Variants in LPP observed in about 807,000 individuals in gnomAD.
LPP encodes the protein LIM domain containing preferred translocation partner in lipoma.
In LPP, 38 loss-of-function variants were observed where a neutral mutation model predicts 60.4. The ratio of observed to expected loss-of-function variants is 0.63; its 90% CI spans 0.49 to 0.83. The LOEUF (loss-of-function observed/expected upper bound fraction) is 0.83. Ranked by LOEUF, LPP falls within the 40% of genes least tolerant of loss-of-function variation. The pLI is 0.00. For missense variants in LPP, 902 were observed against 783.6 expected, an observed-to-expected ratio of 1.15 and a Z score of -1.80; for synonymous variants, 328 against 290.8, an observed-to-expected ratio of 1.13 and a Z score of -1.30.
intron 2 of LPP, among the ~76,000 whole-genome samples, chr3:188,319,973 G>A (rs910105255): frequency 2.6e-5 from 4 of 152,032 alleles, no homozygotes; most frequent in Non-Finnish European, 4.4e-5. Flanking sequence ...TTAGTGTAAC[G>A]GTCAGGTATT....
intron 8 of LPP, among the ~76,000 whole-genome samples, chr3:188,723,893 G>A (rs1370191163): frequency 6.6e-6 from 1 of 151,908 alleles, no homozygotes; most frequent in African/African-American, 2.4e-5. Flanking sequence ...TTACTAAGAT[G>A]GGAGAGCACA....
Position 188,635,881 on chromosome 3 carries a change from A to T in LPP, c.1113+26037A>T, listed in dbSNP as rs966081016. On this transcript the variant is annotated intron_variant, in intron 7 of 11. Transcript: ENST00000617246. ...CCGGGCTGATAAAAAGTGGTGTCAG[A>T]TTACTGGAAAAAGGACTATGTGGAG... 3.9e-5 allele frequency among the ~76,000 whole-genome samples: 6 copies of T among 152,212 alleles called. No individual in the cohort carries two copies. The East Asian group carries it at 1.2e-3, about 29-fold the overall frequency.
chr3:188,859,303 GT>G (rs1001933750), intron 9 of LPP, among the ~76,000 whole-genome samples: 5 of 151,870 alleles, frequency 3.3e-5, no homozygotes, highest in Admixed American at 6.6e-5. Context: ...GTTAAAATAA[GT>G]TTTTTTTCAA....
At chr3:188,431,344 C>T (rs1198716531) in intron 4 of LPP, among the ~76,000 whole-genome samples, 2 of 151,994 alleles carry the variant, frequency 1.3e-5, no homozygotes, top group Non-Finnish European at 2.9e-5. Context: ...GGATGAAAGA[C>T]GTGTAGTTGA....
chr3:188,337,490 CCT>C (rs1761979191), intron 2 of LPP, among the ~76,000 whole-genome samples: 1 of 152,160 alleles, frequency 6.6e-6, no homozygotes, highest in African/African-American at 2.4e-5. Context: ...GAAGTTCCTC[CCT>C]GTTTCCAGCA....
At chr3:188,477,847 G>A (rs1298944747) in intron 4 of LPP, among the ~76,000 whole-genome samples, 1 of 152,064 alleles carries the variant, frequency 6.6e-6, no homozygotes, top group Admixed American at 6.6e-5. Context: ...ACATATATGT[G>A]TATACATTAT....
chr3:188,809,402 T>G (rs1267921347), intron 9 of LPP, among the ~76,000 whole-genome samples: 1 of 152,172 alleles, frequency 6.6e-6, no homozygotes, highest in Non-Finnish European at 1.5e-5. Flanking sequence ...GGCATCTCAT[T>G]GTGATTTTGA....
At chr3:188,378,463 C>T (rs976096419) in intron 3 of LPP, among the ~76,000 whole-genome samples, 14 of 152,174 alleles carry the variant, frequency 9.2e-5, no homozygotes, top group South Asian at 2.1e-4. Flanking sequence ...GATCTCGGAC[C>T]GCTGTGCTAG....
intron 8 of LPP, among the ~76,000 whole-genome samples, chr3:188,751,987 C>G (rs2150330157): frequency 6.6e-6 from 1 of 152,242 alleles, no homozygotes; most frequent in South Asian, 2.1e-4. Context: ...CCTCTATTTT[C>G]CACTCATTGA....
At chr3:188,370,767 T>A (rs1329301889) in intron 3 of LPP, among the ~76,000 whole-genome samples, 1 of 152,122 alleles carries the variant, frequency 6.6e-6, no homozygotes, top group Non-Finnish European at 1.5e-5. Flanking sequence ...GTGGCATGAA[T>A]CTGGACAAGT....
chr3:188,418,199 T>C (rs894010208), intron 4 of LPP, among the ~76,000 whole-genome samples: 4 of 152,164 alleles, frequency 2.6e-5, no homozygotes, highest in Non-Finnish European at 5.9e-5. Flanking sequence ...GGCTAATAAA[T>C]GTAGAAGTCA....
At chr3:188,765,162 A>G (rs1445721040) in intron 9 of LPP, among the ~76,000 whole-genome samples, 1 of 152,196 alleles carries the variant, frequency 6.6e-6, no homozygotes, top group Non-Finnish European at 1.5e-5. Flanking sequence ...GGATGTTGGA[A>G]AAGGAAGCAA....
chr3:188,461,140 G>T (rs942608110), intron 4 of LPP, among the ~76,000 whole-genome samples: 164 of 152,250 alleles, frequency 1.1e-3, no homozygotes, highest in African/African-American at 3.7e-3. Flanking sequence ...TGATCTGAAG[G>T]TAGAATGGGC....
intron 5 of LPP, among the ~76,000 whole-genome samples, chr3:188,514,072 G>A (rs76050378): frequency 0.042 from 6,332 of 152,242 alleles, 389 homozygotes; most frequent in African/African-American, 0.13. Context: ...TGTTTAGGCT[G>A]CTTCAGTAGG....
At chr3:188,462,588 ATGTGTGTGTGTGTGTGTGTGTGTGTGTG>A (rs71169003) in intron 4 of LPP, among the ~76,000 whole-genome samples, 1 of 58,258 alleles carries the variant, frequency 1.7e-5, no homozygotes, top group Non-Finnish European at 3.2e-5. Context: ...ATATATATGC[ATGTGTGTGTGTGTGTGTGTGTGTGTGTG>A]TGTGTGTGTG....
chr3:188,772,465 G>A (rs949537023), intron 9 of LPP, among the ~76,000 whole-genome samples: 3 of 152,088 alleles, frequency 2.0e-5, no homozygotes, highest in African/African-American at 7.2e-5. Context: ...GACTGTGCGG[G>A]GTGCGGGGAG....
intron 6 of LPP, among the ~76,000 whole-genome samples, chr3:188,581,048 T>C (rs1580142033): frequency 6.6e-6 from 1 of 151,966 alleles, no homozygotes; most frequent in Non-Finnish European, 1.5e-5. Context: ...CAAAACACCT[T>C]CCCAGCCACA....
chr3:188,172,285 C>G (rs1424414905), intron 1 of LPP, among the ~76,000 whole-genome samples: 1 of 152,240 alleles, frequency 6.6e-6, no homozygotes, highest in Non-Finnish European at 1.5e-5. Context: ...TGGAGCTACA[C>G]TGCCTGGATT....
At chr3:188,576,981 G>A (rs2150925377) in intron 6 of LPP, among the ~76,000 whole-genome samples, 1 of 152,214 alleles carries the variant, frequency 6.6e-6, no homozygotes, top group African/African-American at 2.4e-5. Flanking sequence ...GGTTATCTTG[G>A]AGCCTCATTT....
Sources: allele counts gnomAD v4.1 joint callset (sites outside exome capture counted in the v4.1 genomes callset), GRCh38; gene constraint gnomAD v4.1.1; transcripts MANE v1.5; gene names NCBI Gene and HGNC (gene_info 2026-07-23, HGNC 2026-07-21).